PDE4D: variants seen among roughly 807,000 people sequenced by gnomAD.
PDE4D encodes the protein phosphodiesterase 4D.
In PDE4D, 24 loss-of-function variants were observed where a neutral mutation model predicts 87.4. The observed-to-expected ratio is 0.27, with a 90% confidence interval of 0.20 to 0.39. The LOEUF is 0.39. PDE4D is among the 10% of genes least tolerant of loss of function. PDE4D has a pLI of 1.00. For synonymous variants in PDE4D, 384 were observed against 383.2 expected (o/e 1.00, Z -0.02); for missense variants, 714 against 1,041.0 (o/e 0.69, Z 4.32).
intron 1 of PDE4D, among the ~76,000 whole-genome samples, chr5:59,480,114 T>G (rs1037267509): frequency 6.6e-6 from 1 of 152,006 alleles, no homozygotes; most frequent in Non-Finnish European, 1.5e-5. Flanking sequence ...TTGAAAAATT[T>G]TATAGGCATG....
At chr5:59,835,687 C>A (rs930118606) in intron 1 of PDE4D, among the ~76,000 whole-genome samples, 1 of 152,006 alleles carries the variant, frequency 6.6e-6, no homozygotes, top group Non-Finnish European at 1.5e-5. Context: ...AGGGTGACTA[C>A]CTTTCTCAGG....
intron 3 of PDE4D, among the ~76,000 whole-genome samples, chr5:59,939,852 G>A (rs1287480436): frequency 6.6e-6 from 1 of 152,128 alleles, no homozygotes; most frequent in Non-Finnish European, 1.5e-5. Context: ...TTTAAAGATG[G>A]TAGAAAGAGG....
At chr5:59,465,238 T>G (rs1388001327) in intron 1 of PDE4D, among the ~76,000 whole-genome samples, 9 of 152,188 alleles carry the variant, frequency 5.9e-5, no homozygotes. Context: ...ATCAGGACTT[T>G]GCACATGCTG....
intron 5 of PDE4D, among the ~76,000 whole-genome samples, chr5:59,041,891 T>A (rs746658927): frequency 6.6e-6 from 1 of 152,212 alleles, no homozygotes; most frequent in Non-Finnish European, 1.5e-5. Flanking sequence ...ATCATGCACT[T>A]TATACACAGG....
chr5:59,876,455 T>G (rs993192246), intron 1 of PDE4D, among the ~76,000 whole-genome samples: 4 of 152,194 alleles, frequency 2.6e-5, no homozygotes, highest in African/African-American at 9.7e-5. Flanking sequence ...ACCTTAAGAT[T>G]TCCATCTCTT....
At chr5:59,011,869 G>GA (rs1752881196) in intron 6 of PDE4D, among the ~76,000 whole-genome samples, 1 of 152,140 alleles carries the variant, frequency 6.6e-6, no homozygotes, top group Non-Finnish European at 1.5e-5. Flanking sequence ...CACCAAAGTT[G>GA]AAATGAAGGA....
chr5:60,449,938 T>C (rs17348089), intron 1 of PDE4D, among the ~76,000 whole-genome samples: 1,940 of 150,402 alleles, frequency 0.013, 43 homozygotes, highest in African/African-American at 0.044. Flanking sequence ...AGTTTGAGGG[T>C]TTATAAAAGA....
intron 1 of PDE4D, among the ~76,000 whole-genome samples, chr5:60,257,331 C>A (rs566379172): frequency 1.3e-5 from 2 of 151,904 alleles, no homozygotes; most frequent in African/African-American, 4.8e-5. Context: ...ATCCTCAAAT[C>A]ATTTCTACAC....
At chr5:60,405,404 G>A (rs1741446088) in intron 1 of PDE4D, among the ~76,000 whole-genome samples, 1 of 152,162 alleles carries the variant, frequency 6.6e-6, no homozygotes, top group African/African-American at 2.4e-5. Context: ...TGGCATTTTG[G>A]AAGTTTGTTC....
intron 1 of PDE4D, among the ~76,000 whole-genome samples, chr5:59,891,789 A>ACACG (rs1299444764): frequency 6.6e-6 from 1 of 151,104 alleles, no homozygotes; most frequent in African/African-American, 2.4e-5. Context: ...AGACATGCTC[A>ACACG]CACACACACA....
chr5:59,857,589 A>AT (rs984072176), intron 1 of PDE4D, among the ~76,000 whole-genome samples: 3 of 152,010 alleles, frequency 2.0e-5, no homozygotes, highest in Non-Finnish European at 4.4e-5. Context: ...ATCAGTATTG[A>AT]TTTTTTTGTG....
At chr5:59,662,265 C>G (rs921050786) in intron 1 of PDE4D, among the ~76,000 whole-genome samples, 9 of 152,222 alleles carry the variant, frequency 5.9e-5, no homozygotes, top group African/African-American at 1.9e-4. Context: ...GAAACTCTTA[C>G]AAGAGCTCAG....
chr5:59,496,011 T>C (rs1163958129), intron 1 of PDE4D, among the ~76,000 whole-genome samples: 1 of 152,124 alleles, frequency 6.6e-6, no homozygotes, highest in Non-Finnish European at 1.5e-5. Flanking sequence ...TCCCGGGTTC[T>C]TGCCTTGGCG....
chr5:59,767,827 T>A (rs768794499), intron 1 of PDE4D, among the ~76,000 whole-genome samples: 17 of 152,192 alleles, frequency 1.1e-4, no homozygotes, highest in Non-Finnish European at 2.4e-4. Context: ...GTGGGGATCA[T>A]GCAGAAAACA....
rs967065693 is a variant in PDE4D at position 59,893,373 on chromosome 5, G to A, written c.250C>T (p.Pro84Ser). 4.8e-6 allele frequency: 6 copies of A among 1,247,020 alleles called. No individual in the cohort carries two copies. The highest frequency in any genetic ancestry group is 4.0e-6 in the Non-Finnish European group (4 of 996,832). The allele number at this position is 1,247,020 out of a possible 1,614,324, so 77.2% of individuals were successfully genotyped here. Residue 84 changes from proline (P) to serine (S), a missense_variant, in exon 1 of 15, where the codon CCC becomes TCC. Pro to Ser is a moderately conservative substitution (Grantham distance 74, BLOSUM62 -1). Coordinates refer to ENST00000340635, the MANE Select transcript of PDE4D (RefSeq NM_001104631.2). The part of the protein sequence containing the change: ...QPPPPPPLPP[P>S]PPPPGAARGR... ...CGGGCAGCCCCGGGCGGCGGCGGGG[G>A]CGGCGGCAGGGGGGGCGGCGGCGGC... is the stretch of plus-strand genomic sequence containing the variant.
rs199738839 is a variant in PDE4D, at chr5:59,214,032, TCACACACACACACACA to T, written c.647+1729_647+1744del. Among the ~76,000 whole-genome samples the T allele has an allele frequency of 0.024, 3,131 of 132,772 alleles. 374 individuals carry two copies. The East Asian group carries it at 0.35, about 15-fold the overall frequency. 87.1% of individuals were successfully genotyped at this position (132,772 alleles called of 152,430 possible). Reference sequence around the variant, plus strand: ...CTGTCCCCCAACATACATACATACTTCACACACACACACACACACACACACACACACACACACACAC... The same window carrying T: ...CTGTCCCCCAACATACATACATACTTCACACACACACACACACACACACAC... On this transcript the variant is annotated intron_variant, in intron 2 of 14. Coordinates refer to ENST00000340635, the MANE Select transcript of PDE4D (RefSeq NM_001104631.2).
chr5:59,633,435 G>A (rs572865789), intron 1 of PDE4D, among the ~76,000 whole-genome samples: 226 of 152,236 alleles, frequency 1.5e-3, no homozygotes, highest in Non-Finnish European at 2.7e-3. Flanking sequence ...ACACATAATC[G>A]TGAGATTCAT....
intron 1 of PDE4D, among the ~76,000 whole-genome samples, chr5:59,742,612 G>A (rs1349916410): frequency 6.6e-6 from 1 of 152,148 alleles, no homozygotes; most frequent in Non-Finnish European, 1.5e-5. Context: ...ATTATGTGAT[G>A]TAGGCACAAG....
intron 1 of PDE4D, among the ~76,000 whole-genome samples, chr5:59,617,521 G>A (rs1211360048): frequency 6.6e-6 from 1 of 152,152 alleles, no homozygotes; most frequent in Non-Finnish European, 1.5e-5. Flanking sequence ...GATTCATTAA[G>A]TGAAGATGAG....
Sources: gnomAD v4.1 joint callset for allele counts (sites outside exome capture counted in the v4.1 genomes callset) on GRCh38, gnomAD v4.1.1 for gene constraint, MANE v1.5 for transcripts, NCBI Gene and HGNC (gene_info 2026-07-23, HGNC 2026-07-21) for gene names.